The following SNX24 variants were observed in gnomAD, a reference collection of about 807,000 sequenced individuals.
SNX24 encodes the protein sorting nexin-24.
SNX24 carries 22 observed loss-of-function variants against 28.7 expected under a neutral mutation model. That is an observed-to-expected ratio of 0.77 (90% confidence interval 0.55 to 1.10). The LOEUF (loss-of-function observed/expected upper bound fraction) is 1.10, where lower values mean the gene tolerates loss of function less well. Among genes scored for constraint, SNX24 ranks in the 50% least tolerant of loss-of-function variants. The probability of loss-of-function intolerance (pLI) is 0.00; values close to 1 mark genes in which losing one functional copy is unlikely to be tolerated. For missense variants in SNX24, 221 were observed against 201.1 expected (o/e 1.10, Z -0.60); for synonymous variants, 69 against 71.5 (o/e 0.96, Z 0.18).
intron 1 of SNX24, among the ~76,000 whole-genome samples, chr5:122,863,016 C>G (rs555429364): frequency 5.3e-5 from 8 of 152,266 alleles, no homozygotes; most frequent in African/African-American, 1.9e-4. Context: ...AAGTGGCAGG[C>G]ATACTAATCT....
chr5:122,928,619 G>A (rs1463390708), intron 1 of SNX24, among the ~76,000 whole-genome samples: 2 of 151,944 alleles, frequency 1.3e-5, no homozygotes, highest in East Asian at 2.0e-4. Flanking sequence ...TAGCAAAAAG[G>A]TGGGGGCCTC....
intron 1 of SNX24, among the ~76,000 whole-genome samples, chr5:122,890,760 C>T (rs1372464443): frequency 1.3e-5 from 2 of 152,100 alleles, no homozygotes; most frequent in South Asian, 2.1e-4. Context: ...TATGAGCCAC[C>T]GCACCCGGCC....
In SNX24 at chr5:123,007,548, A is replaced by T. The variant is rs559341528; in HGVS notation, c.443-134A>T. Reference sequence around the variant, plus strand: ...TGATAGCACATCCTCAACCAGGCACATGCCTGGCGATGCAGATTCCTGTGT... The same window carrying T: ...TGATAGCACATCCTCAACCAGGCACTTGCCTGGCGATGCAGATTCCTGTGT... On this transcript the variant is annotated intron_variant, in intron 6 of 6. Coordinates refer to ENST00000261369, the MANE Select transcript of SNX24 (RefSeq NM_014035.4). 4.7e-5 allele frequency: 38 copies of T among 810,010 alleles called. No homozygotes were observed. In the East Asian group the frequency reaches 9.1e-4, roughly 19 times the overall value. The allele number at this position is 810,010 out of a possible 1,614,324, so 50.2% of individuals were successfully genotyped here.
chr5:122,864,732 CTG>C (rs1755643177), intron 1 of SNX24, among the ~76,000 whole-genome samples: 1 of 152,190 alleles, frequency 6.6e-6, no homozygotes, highest in Non-Finnish European at 1.5e-5. Context: ...AGTGCGGGGT[CTG>C]CAAAATATCT....
At chr5:122,935,780 T>G (rs960402932) in intron 1 of SNX24, among the ~76,000 whole-genome samples, 1 of 152,224 alleles carries the variant, frequency 6.6e-6, no homozygotes, top group African/African-American at 2.4e-5. Flanking sequence ...CTTTTAATAC[T>G]TTTTAGTGTC....
chr5:122,865,414 T>C (rs1372358806), intron 1 of SNX24, among the ~76,000 whole-genome samples: 1 of 152,230 alleles, frequency 6.6e-6, no homozygotes, highest in African/African-American at 2.4e-5. Flanking sequence ...CACTGCAATC[T>C]CTGCCTCCCG....
chr5:122,950,575 G>A (rs537943587), intron 3 of SNX24, among the ~76,000 whole-genome samples: 1 of 152,264 alleles, frequency 6.6e-6, no homozygotes, highest in Non-Finnish European at 1.5e-5. Context: ...GGAAAAGAAG[G>A]TTTTCTTTCA....
intron 2 of SNX24, among the ~76,000 whole-genome samples, chr5:122,940,963 G>A (rs906679184): frequency 1.3e-5 from 2 of 152,032 alleles, no homozygotes; most frequent in Non-Finnish European, 2.9e-5. Flanking sequence ...CTCGTCTCGT[G>A]GCCTCTTTCA....
chr5:122,997,911 A>G (rs965807840), intron 3 of SNX24, among the ~76,000 whole-genome samples: 2 of 152,112 alleles, frequency 1.3e-5, no homozygotes, highest in African/African-American at 4.8e-5. Context: ...TAAGTATTGT[A>G]TCATCCTCTT....
downstream of SNX24, among the ~76,000 whole-genome samples, chr5:123,010,874 T>G (rs999219967): frequency 2.6e-5 from 4 of 152,126 alleles, no homozygotes; most frequent in Non-Finnish European, 5.9e-5. Flanking sequence ...TAACAATATC[T>G]TGGCAATCTT....
At chr5:122,988,237 A>C (rs1423354129) in intron 3 of SNX24, among the ~76,000 whole-genome samples, 1 of 152,168 alleles carries the variant, frequency 6.6e-6, no homozygotes, top group East Asian at 1.9e-4. Flanking sequence ...GCTTCTGCCC[A>C]GCCCCAGTGA....
At chr5:122,960,335 G>C (rs1760433382) in intron 3 of SNX24, among the ~76,000 whole-genome samples, 1 of 152,070 alleles carries the variant, frequency 6.6e-6, no homozygotes, top group African/African-American at 2.4e-5. Context: ...GTACTAGTTG[G>C]AATACTAGTA....
chr5:122,857,735 T>G (rs183812896), intron 1 of SNX24, among the ~76,000 whole-genome samples: 67 of 152,330 alleles, frequency 4.4e-4, no homozygotes, highest in African/African-American at 1.5e-3. Context: ...GCAAAGGACA[T>G]TCTCTCATTC....
At chr5:122,904,850 G>T (rs1757582661) in intron 1 of SNX24, among the ~76,000 whole-genome samples, 1 of 152,106 alleles carries the variant, frequency 6.6e-6, no homozygotes, top group South Asian at 2.1e-4. Flanking sequence ...AAAAAAATAT[G>T]CCACCACTTT....
At chr5:122,945,243 A>T (rs940802337) in intron 2 of SNX24, among the ~76,000 whole-genome samples, 1 of 152,130 alleles carries the variant, frequency 6.6e-6, no homozygotes, top group African/African-American at 2.4e-5. Flanking sequence ...TTTTATAAGG[A>T]TCCTTGTGAT....
At chr5:122,864,611 G>T (rs940818954) in intron 1 of SNX24, among the ~76,000 whole-genome samples, 1 of 152,206 alleles carries the variant, frequency 6.6e-6, no homozygotes, top group African/African-American at 2.4e-5. Context: ...TGTCAGAGAC[G>T]AAGTCATAGG....
chr5:122,954,864 C>T (rs534928737), intron 3 of SNX24, among the ~76,000 whole-genome samples: 1 of 152,102 alleles, frequency 6.6e-6, no homozygotes, highest in African/African-American at 2.4e-5. Context: ...TTAAGTTTTT[C>T]CCCTTTTGAA....
chr5:122,910,440 G>A (rs1301837290), intron 1 of SNX24, among the ~76,000 whole-genome samples: 1 of 152,148 alleles, frequency 6.6e-6, no homozygotes, highest in African/African-American at 2.4e-5. Context: ...GGCCCAGCCT[G>A]AGGAAAGACA....
chr5:122,851,725 A>G (rs1453212939), intron 1 of SNX24, among the ~76,000 whole-genome samples: 1 of 152,180 alleles, frequency 6.6e-6, no homozygotes, highest in East Asian at 1.9e-4. Context: ...GGATTAAACT[A>G]CAAAAATAGA....
Sources: gnomAD v4.1 joint callset for allele counts (sites outside exome capture counted in the v4.1 genomes callset) on GRCh38, gnomAD v4.1.1 for gene constraint, MANE v1.5 for transcripts, NCBI Gene and HGNC (gene_info 2026-07-23, HGNC 2026-07-21) for gene names.